CNTN4: variants seen among roughly 807,000 people sequenced by gnomAD.
The protein encoded by CNTN4 is contactin 4.
A neutral mutation model predicts 122.5 loss-of-function variants in CNTN4; 77 were observed. The observed-to-expected ratio is 0.63, with a 90% CI of 0.52 to 0.76. CNTN4 has a LOEUF of 0.76. CNTN4 is among the 30% of genes least tolerant of loss of function. The probability of loss-of-function intolerance (pLI) is 0.00; values close to 1 mark genes in which losing one functional copy is unlikely to be tolerated. For synonymous variants in CNTN4, 512 were observed against 447.0 expected, an observed-to-expected ratio of 1.15 and a Z score of -1.83; for missense variants, 1,256 against 1,259.1, an observed-to-expected ratio of 1.00 and a Z score of 0.04.
chr3:2,696,945 A>AAAG (rs2086068512), intron 4 of CNTN4, among the ~76,000 whole-genome samples: 1 of 152,204 alleles, frequency 6.6e-6, no homozygotes, highest in Non-Finnish European at 1.5e-5. Context: ...GACATTTAAT[A>AAAG]AAGTATGTGA....
At chr3:2,983,817 T>A (rs1192852282) in intron 13 of CNTN4, among the ~76,000 whole-genome samples, 2 of 152,200 alleles carry the variant, frequency 1.3e-5, no homozygotes, top group African/African-American at 4.8e-5. Flanking sequence ...CTCCAAAGAA[T>A]AGTTTATCAA....
chr3:2,969,492 C>T lies in CNTN4; in HGVS notation c.1359-18853C>T, dbSNP rs1453146141. On this transcript the variant is annotated intron_variant, in intron 13 of 24. Transcript: ENST00000418658. ...AGTACATGGTCTGAAAGTGGGGAGA[C>T]ATGATTTCCCAAAGGAAAATTGGGA... 7.4e-5 allele frequency among the ~76,000 whole-genome samples: 11 copies of T among 147,718 alleles called. No homozygotes were observed. In the East Asian group the frequency reaches 2.3e-3, roughly 31 times the overall value.
At chr3:2,114,106 A>G (rs1010138840) in intron 2 of CNTN4, among the ~76,000 whole-genome samples, 1 of 152,146 alleles carries the variant, frequency 6.6e-6, no homozygotes, top group Non-Finnish European at 1.5e-5. Context: ...AAGAATTGAT[A>G]AGATAAAGTA....
chr3:2,218,460 T>G (rs1171356456), intron 2 of CNTN4, among the ~76,000 whole-genome samples: 3 of 152,176 alleles, frequency 2.0e-5, no homozygotes, highest in Non-Finnish European at 4.4e-5. Flanking sequence ...TTCAAGGATG[T>G]GGTGTGCTGT....
At chr3:2,941,865 A>G (rs563667276) in intron 13 of CNTN4, among the ~76,000 whole-genome samples, 8 of 152,000 alleles carry the variant, frequency 5.3e-5, no homozygotes, top group Non-Finnish European at 1.2e-4. Flanking sequence ...CCTCCCTTAC[A>G]TCTTTAACTC....
intron 3 of CNTN4, among the ~76,000 whole-genome samples, chr3:2,396,854 T>C (rs1473545699): frequency 2.0e-5 from 3 of 152,102 alleles, no homozygotes; most frequent in Admixed American, 2.0e-4. Flanking sequence ...CCTTATCAGT[T>C]ATAATCTAAG....
chr3:2,430,917 A>G (rs540431426), intron 3 of CNTN4, among the ~76,000 whole-genome samples: 25 of 152,282 alleles, frequency 1.6e-4, no homozygotes, highest in Non-Finnish European at 3.4e-4. Context: ...CCTGATGAAA[A>G]TTAGAATTGA....
chr3:2,932,100 G>A (rs749746874), intron 13 of CNTN4, among the ~76,000 whole-genome samples: 15 of 152,118 alleles, frequency 9.9e-5, no homozygotes, highest in South Asian at 2.1e-4. Context: ...AATTTAGGCC[G>A]GGCGCAGTGG....
At chr3:2,595,847 T>C (rs1258803971) in intron 4 of CNTN4, among the ~76,000 whole-genome samples, 1 of 152,170 alleles carries the variant, frequency 6.6e-6, no homozygotes, top group Non-Finnish European at 1.5e-5. Flanking sequence ...ATAAAAATTT[T>C]CTCAAAGTTG....
At chr3:2,743,456 G>A (rs1040127649) in intron 5 of CNTN4, among the ~76,000 whole-genome samples, 1 of 152,114 alleles carries the variant, frequency 6.6e-6, no homozygotes, top group African/African-American at 2.4e-5. Flanking sequence ...AACACATAAA[G>A]AGGTACCTCA....
At chr3:2,993,551 C>T (rs1345466535) in intron 14 of CNTN4, among the ~76,000 whole-genome samples, 4 of 151,842 alleles carry the variant, frequency 2.6e-5, no homozygotes, top group African/African-American at 7.3e-5. Flanking sequence ...CTGCCCGCCT[C>T]GGCCTCCCAA....
chr3:2,221,431 A>G (rs1376558693), intron 2 of CNTN4, among the ~76,000 whole-genome samples: 1 of 152,010 alleles, frequency 6.6e-6, no homozygotes, highest in East Asian at 1.9e-4. Flanking sequence ...ATCTAAATAT[A>G]AGAGCCAAAA....
At chr3:2,642,911 A>T (rs957259664) in intron 4 of CNTN4, among the ~76,000 whole-genome samples, 15 of 152,158 alleles carry the variant, frequency 9.9e-5, no homozygotes, top group Admixed American at 6.5e-5. Context: ...AGGCTGTGTG[A>T]TTTGATGCAA....
At chr3:2,370,643 A>T (rs980592645) in intron 3 of CNTN4, among the ~76,000 whole-genome samples, 1 of 152,196 alleles carries the variant, frequency 6.6e-6, no homozygotes, top group Non-Finnish European at 1.5e-5. Context: ...TGAGTCCCTT[A>T]TTCTAAATAT....
intron 6 of CNTN4, among the ~76,000 whole-genome samples, chr3:2,769,917 C>T (rs1464366246): frequency 6.6e-6 from 1 of 152,170 alleles, no homozygotes; most frequent in East Asian, 1.9e-4. Context: ...GAGGCCATCT[C>T]TTGGGCCTTG....
At chr3:2,916,573 A>G (rs2094358583) in intron 12 of CNTN4, among the ~76,000 whole-genome samples, 2 of 133,934 alleles carry the variant, frequency 1.5e-5, no homozygotes, top group Non-Finnish European at 3.2e-5. Context: ...TTAGTACAGA[A>G]CAAAATGGAG....
At chr3:2,147,432 G>C (rs1345609334) in intron 2 of CNTN4, among the ~76,000 whole-genome samples, 1 of 152,096 alleles carries the variant, frequency 6.6e-6, no homozygotes, top group African/African-American at 2.4e-5. Flanking sequence ...TACTCTGGAA[G>C]CCAGACCAGA....
intron 2 of CNTN4, among the ~76,000 whole-genome samples, chr3:2,287,728 A>G (rs2041984334): frequency 1.1e-5 from 1 of 87,412 alleles, no homozygotes; most frequent in African/African-American, 4.1e-5. Context: ...GAAGAAGAAG[A>G]AGAAGAAGAA....
At chr3:2,451,448 TA>T (rs35229464) in intron 3 of CNTN4, among the ~76,000 whole-genome samples, 92,450 of 144,210 alleles carry the variant, frequency 0.64, 29,844 homozygotes, top group East Asian at 0.79. Flanking sequence ...GGGGAGGTCT[TA>T]AAAAAAAAAA....
Sources: allele counts gnomAD v4.1 joint callset (sites outside exome capture counted in the v4.1 genomes callset), GRCh38; gene constraint gnomAD v4.1.1; transcripts MANE v1.5; gene names NCBI Gene and HGNC (gene_info 2026-07-23, HGNC 2026-07-21).